SOX5: variants seen among roughly 807,000 people sequenced by gnomAD.
The protein encoded by SOX5 is transcription factor SOX-5.
Under a neutral mutation model 92.0 loss-of-function variants are expected in SOX5, and 9 were observed. The observed-to-expected ratio is 0.10, with a 90% confidence interval of 0.06 to 0.17. The LOEUF is 0.17. Ranked by LOEUF, SOX5 falls within the 10% of genes least tolerant of loss-of-function variation. The probability of loss-of-function intolerance (pLI) is 1.00; values close to 1 mark genes in which losing one functional copy is unlikely to be tolerated. For synonymous variants in SOX5, 344 were observed against 336.3 expected (o/e 1.02, Z -0.25); for missense variants, 642 against 944.5 (o/e 0.68, Z 4.20).
At chr12:23,804,397 C>T (rs2095718678) in intron 3 of SOX5, among the ~76,000 whole-genome samples, 1 of 151,994 alleles carries the variant, frequency 6.6e-6, no homozygotes, top group Non-Finnish European at 1.5e-5. Context: ...AAGGAAATTC[C>T]AGTAAGTGTG....
intron 6 of SOX5, among the ~76,000 whole-genome samples, chr12:23,667,860 T>C (rs1374316858): frequency 6.6e-6 from 1 of 152,180 alleles, no homozygotes; most frequent in African/African-American, 2.4e-5. Context: ...TAATCCAAAA[T>C]GTGTGGTTAA....
chr12:23,890,527 T>C (rs1434903080), intron 2 of SOX5, among the ~76,000 whole-genome samples: 2 of 152,004 alleles, frequency 1.3e-5, no homozygotes, highest in Non-Finnish European at 1.5e-5. Context: ...AGAAGTAGCA[T>C]ACAACCAGAC....
chr12:23,861,610 T>C (rs1345353682), intron 2 of SOX5, among the ~76,000 whole-genome samples: 1 of 152,154 alleles, frequency 6.6e-6, no homozygotes, highest in African/African-American at 2.4e-5. Flanking sequence ...AAATGCCGAT[T>C]GATAATAAAA....
intron 3 of SOX5, among the ~76,000 whole-genome samples, chr12:24,257,106 G>A (rs1830286096): frequency 6.6e-6 from 1 of 152,210 alleles, no homozygotes; most frequent in Non-Finnish European, 1.5e-5. Flanking sequence ...GGTACAGAAA[G>A]TCATGGCCAG....
At chr12:24,560,040 C>T (rs896517811) in intron 1 of SOX5, among the ~76,000 whole-genome samples, 6 of 152,158 alleles carry the variant, frequency 3.9e-5, no homozygotes, top group African/African-American at 1.4e-4. Flanking sequence ...AGAGTTTACA[C>T]TTGCAAGTCT....
At chr12:23,570,246 C>G (rs1473125305) in intron 10 of SOX5, among the ~76,000 whole-genome samples, 1 of 152,054 alleles carries the variant, frequency 6.6e-6, no homozygotes, top group African/African-American at 2.4e-5. Context: ...ATTTTTGACA[C>G]CCTGATAGGT....
Position 23,531,640 on chromosome 12 carries a change from A to G in SOX5, c.*2579T>C, listed in dbSNP as rs1008268656. ...TTTTCACATTGTACATAAAAATGAT[A>G]TAAAAACAAGTGTCTATTTTTTCCT... is the stretch of plus-strand genomic sequence containing the variant. On this transcript the variant is annotated 3_prime_UTR_variant, in exon 15 of 15. Transcript: ENST00000451604. The G allele has an allele frequency of 1.3e-5, 2 of 152,224 alleles. No individual in the cohort carries two copies. The highest frequency in any genetic ancestry group is 2.9e-5 in the Non-Finnish European group (2 of 68,034). 9.4% of individuals were successfully genotyped at this position (152,224 alleles called of 1,614,324 possible). A position where few individuals can be genotyped will look rare whatever the true frequency, so the allele number is the denominator to read the frequency against.
chr12:24,201,678 ATGT>A (rs1331135765), intron 4 of SOX5, among the ~76,000 whole-genome samples: 1 of 152,148 alleles, frequency 6.6e-6, no homozygotes, highest in Non-Finnish European at 1.5e-5. Context: ...TAGTCCTTTA[ATGT>A]TGTCACAGAG....
chr12:23,993,864 A>AATGTATGTATGT (rs5797056), intron 4 of SOX5, among the ~76,000 whole-genome samples: 2 of 146,514 alleles, frequency 1.4e-5, no homozygotes, highest in South Asian at 2.2e-4. Flanking sequence ...CTCCCTATGA[A>AATGTATGTATGT]ATGTATGTAT....
At chr12:23,599,623 C>G (rs1566182863) in intron 9 of SOX5, among the ~76,000 whole-genome samples, 1 of 152,194 alleles carries the variant, frequency 6.6e-6, no homozygotes. Context: ...TTACAAGTTG[C>G]TCTTAGGATT....
chr12:23,535,586 T>C (rs1224378192), intron 14 of SOX5, among the ~76,000 whole-genome samples: 1 of 152,238 alleles, frequency 6.6e-6, no homozygotes, highest in African/African-American at 2.4e-5. Context: ...GTATGTTTAC[T>C]ATTTGCCCAA....
chr12:23,549,048 T>C (rs1943685716), intron 11 of SOX5, among the ~76,000 whole-genome samples: 1 of 151,992 alleles, frequency 6.6e-6, no homozygotes, highest in South Asian at 2.1e-4. Context: ...TGTATAAAGC[T>C]CAACCATTTG....
chr12:23,658,796 G>A (rs2082649912), intron 7 of SOX5, among the ~76,000 whole-genome samples: 1 of 152,174 alleles, frequency 6.6e-6, no homozygotes, highest in Non-Finnish European at 1.5e-5. Flanking sequence ...AGGAGGCTGG[G>A]GCAGGAGAAT....
intron 11 of SOX5, among the ~76,000 whole-genome samples, chr12:23,555,856 TAAAGAG>T (rs976943966): frequency 6.6e-6 from 1 of 151,522 alleles, no homozygotes; most frequent in Non-Finnish European, 1.5e-5. Flanking sequence ...AGAAAAGAAA[TAAAGAG>T]AAAGAAATGA....
chr12:24,410,249 C>T (rs1386330652), intron 1 of SOX5, among the ~76,000 whole-genome samples: 1 of 152,128 alleles, frequency 6.6e-6, no homozygotes, highest in African/African-American at 2.4e-5. Context: ...CCGCTTGCCT[C>T]GGCCTCCCAA....
chr12:23,947,811 T>A (rs1451630114), intron 1 of SOX5, among the ~76,000 whole-genome samples: 2 of 150,948 alleles, frequency 1.3e-5, no homozygotes, highest in East Asian at 1.9e-4. Flanking sequence ...GAAAAAAAAA[T>A]ACAAATAAAG....
Position 23,579,759 on chromosome 12 carries a change from A to G in SOX5, c.1165-3921T>C, listed in dbSNP as rs568685147. On this transcript the variant is annotated intron_variant, in intron 9 of 14. Coordinates refer to ENST00000451604, the MANE Select transcript of SOX5 (RefSeq NM_006940.6). ...TGATTAACTCCTATTGTTACAAATA[A>G]AACACACATTTAAACATGTTAAATA... is the stretch of plus-strand genomic sequence containing the variant. Among the ~76,000 whole-genome samples the G allele has an allele frequency of 6.2e-4, 94 of 152,208 alleles. 1 individual carries two copies. In the South Asian group the frequency reaches 0.019, roughly 31 times the overall value.
intron 3 of SOX5, among the ~76,000 whole-genome samples, chr12:23,769,968 G>A (rs1041077508): frequency 2.0e-5 from 3 of 151,598 alleles, no homozygotes; most frequent in East Asian, 1.9e-4. Flanking sequence ...TGAGATGGCC[G>A]GGTGTATTTT....
intron 4 of SOX5, among the ~76,000 whole-genome samples, chr12:23,968,754 C>T (rs1183756241): frequency 1.3e-5 from 2 of 152,214 alleles, no homozygotes; most frequent in South Asian, 2.1e-4. Context: ...CTCTTTACTT[C>T]CATTGCAGCA....
Sources: gnomAD v4.1 joint callset for allele counts (sites outside exome capture counted in the v4.1 genomes callset) on GRCh38, gnomAD v4.1.1 for gene constraint, MANE v1.5 for transcripts, NCBI Gene and HGNC (gene_info 2026-07-23, HGNC 2026-07-21) for gene names.